Variants in INSL4 observed in about 807,000 individuals in gnomAD.
The protein encoded by INSL4 is early placenta insulin-like peptide.
A neutral mutation model predicts 6.5 loss-of-function variants in INSL4; 7 were observed. The ratio of observed to expected loss-of-function variants is 1.08; its 90% CI spans 0.61 to 2.02. The LOEUF (loss-of-function observed/expected upper bound fraction) is 2.02, where lower values mean the gene tolerates loss of function less well. INSL4 is among the 30% of genes most tolerant of loss of function. The probability of loss-of-function intolerance (pLI) is 0.00; values close to 1 mark genes in which losing one functional copy is unlikely to be tolerated. For missense variants in INSL4, 226 were observed against 163.2 expected, an observed-to-expected ratio of 1.38 and a Z score of -2.09; for synonymous variants, 82 against 65.8, an observed-to-expected ratio of 1.25 and a Z score of -1.19.
chr9:5,232,884 T>A (rs1381242352), intron 1 of INSL4, among the ~76,000 whole-genome samples: 1 of 152,204 alleles, frequency 6.6e-6, no homozygotes, highest in African/African-American at 2.4e-5. Context: ...TCGTGCACAG[T>A]GAATGCACTT....
In INSL4 at chr9:5,231,623, C is replaced by T. The variant is rs377326081; in HGVS notation, c.100C>T (p.Arg34Ter). 18 of 1,613,756 alleles carry T rather than the reference C, an allele frequency of 1.1e-5. No individual in the cohort carries two copies. Among genetic ancestry groups the T allele is most frequent in the African/African-American group, 2.7e-5 (2 of 74,882 alleles). Residue 34 changes from arginine (R) to a stop codon, truncating the protein, a stop_gained, in exon 1 of 2, where the codon CGA (arginine) becomes TGA (stop). Transcript: ENST00000239316. LOFTEE classifies it high-confidence loss of function. ...LAAELRGCGP[R>*]FGKHLLSYCP... ...AGCAGAGCTGAGGGGATGTGGTCCC[C>T]GATTTGGAAAACACTTGCTGTCATA...
In INSL4 at chr9:5,234,685, C is replaced by T. The variant is rs1003812553; in HGVS notation, c.*808C>T. ...TTCCTCTGGCTACACATACCTCCTC[C>T]CTATGTGTCTCTAAATCCTAAATCA... On this transcript the variant is annotated 3_prime_UTR_variant, in exon 2 of 2. Transcript: ENST00000239316. The T allele has an allele frequency of 6.6e-6, 1 of 152,266 alleles. No individual in the cohort carries two copies. Among genetic ancestry groups the T allele is most frequent in the African/African-American group, 2.4e-5 (1 of 41,450 alleles). 9.4% of individuals were successfully genotyped at this position (152,266 alleles called of 1,614,324 possible).
In INSL4 at chr9:5,231,650, T is replaced by G; in HGVS notation, c.127T>G (p.Cys43Gly). Residue 43 changes from cysteine to glycine, a missense_variant, in exon 1 of 2, where the codon TGC becomes GGC. Coordinates refer to ENST00000239316, the MANE Select transcript of INSL4 (RefSeq NM_002195.2). ...PRFGKHLLSY[C>G]PMPEKTFTTT... ...ATTTGGAAAACACTTGCTGTCATAT[T>G]GCCCCATGCCTGAGAAGACATTCAC... 1 of 1,613,892 alleles carries G rather than the reference T, an allele frequency of 6.2e-7. No homozygotes were observed. Among genetic ancestry groups the G allele is most frequent in the Non-Finnish European group, 8.5e-7 (1 of 1,179,856 alleles).
chr9:5,231,790 C>T (rs1321689539), intron 1 of INSL4, 71 bp downstream of exon 1: 1 of 1,303,204 alleles, frequency 7.7e-7, no homozygotes, highest in East Asian at 2.4e-5. Flanking sequence ...CATTGACTGC[C>T]TGTAGTCAAC....
rs1271085397 is a variant in INSL4 at position 5,231,460 on chromosome 9, G to C, written c.-64G>C. 1.7e-5 allele frequency: 26 copies of C among 1,513,120 alleles called. No individual in the cohort carries two copies. Among genetic ancestry groups the C allele is most frequent in the Non-Finnish European group, 2.2e-5 (24 of 1,112,268 alleles). 93.7% of individuals were successfully genotyped at this position (1,513,120 alleles called of 1,614,324 possible). On this transcript the variant is annotated 5_prime_UTR_variant, in exon 1 of 2. Coordinates refer to ENST00000239316, the MANE Select transcript of INSL4 (RefSeq NM_002195.2). ...GGGACACACCAGCACAGTCTGGTAG[G>C]CTACAGCAGCAAGTCTCTAAAGAAA...
chr9:5,232,977 A>G (rs1443107913), intron 1 of INSL4, among the ~76,000 whole-genome samples: 3 of 152,166 alleles, frequency 2.0e-5, no homozygotes, highest in African/African-American at 7.2e-5. Context: ...ATTTTACTAT[A>G]AAATAAGGGA....
Position 5,231,696 on chromosome 9 carries a change from T to G in INSL4, c.173T>G (p.Leu58Arg), listed in dbSNP as rs1826148476. 1.9e-6 allele frequency: 3 copies of G among 1,613,692 alleles called. No homozygotes were observed. The highest frequency in any genetic ancestry group is 1.7e-6 in the Non-Finnish European group (2 of 1,179,750). Residue 58 changes from leucine (L) to arginine (R), a missense_variant, in exon 1 of 2, where the codon CTG becomes CGG. Coordinates refer to ENST00000239316, the MANE Select transcript of INSL4 (RefSeq NM_002195.2). ...TTCACCACCACCCCAGGAGGGTGGC[T>G]GCTGGAATCTGGACGTCCCAAAGGT... is the stretch of plus-strand genomic sequence containing the variant. ...KTFTTTPGGW[L>R]LESGRPKEMV...
chr9:5,231,683 C>T lies in INSL4; in HGVS notation c.160C>T (p.Pro54Ser). ...PMPEKTFTTT[P>S]GGWLLESGRP... ...GCCTGAGAAGACATTCACCACCACCCCAGGAGGGTGGCTGCTGGAATCTGG... is the reference window on the plus strand; with the variant it reads ...GCCTGAGAAGACATTCACCACCACCTCAGGAGGGTGGCTGCTGGAATCTGG... Residue 54 changes from proline to serine, a missense_variant, in exon 1 of 2, where the codon CCA becomes TCA. Transcript: ENST00000239316. 6.2e-7 allele frequency: 1 copy of T among 1,613,792 alleles called. No individual in the cohort carries two copies. Among genetic ancestry groups the T allele is most frequent in the Non-Finnish European group, 8.5e-7 (1 of 1,179,820 alleles).
At chr9:5,233,274 ATCTT>A (rs1202660742) in intron 1 of INSL4, among the ~76,000 whole-genome samples, 1 of 152,138 alleles carries the variant, frequency 6.6e-6, no homozygotes, top group Admixed American at 6.6e-5. Context: ...GAATATCTGA[ATCTT>A]TCTATTAGAA....
At chr9:5,232,440 G>C (rs1586900005) in intron 1 of INSL4, among the ~76,000 whole-genome samples, 1 of 152,222 alleles carries the variant, frequency 6.6e-6, no homozygotes, top group East Asian at 1.9e-4. Context: ...AAGTGGCCTG[G>C]ATGACTAGAG....
rs538623328 is a variant in INSL4, at chr9:5,232,346, A to G, written c.196+627A>G. 3.3e-5 allele frequency among the ~76,000 whole-genome samples: 5 copies of G among 152,264 alleles called. No individual in the cohort carries two copies. The South Asian group carries it at 1.0e-3, about 32-fold the overall frequency. ...TCCTCTTACAAAAAAGTTTTTTTTA[A>G]TGCACACCAACAGAGCACCTTGCCT... is the stretch of plus-strand genomic sequence containing the variant. On this transcript the variant is annotated intron_variant, in intron 1 of 1. Coordinates refer to ENST00000239316, the MANE Select transcript of INSL4 (RefSeq NM_002195.2).
chr9:5,233,461 T>G (rs561783551), intron 1 of INSL4, among the ~76,000 whole-genome samples, 193 bp from the exon 2 acceptor site: 2 of 152,268 alleles, frequency 1.3e-5, no homozygotes, highest in South Asian at 4.1e-4. Flanking sequence ...TCCTTAATAT[T>G]GTAGTATCTT....
Position 5,233,904 on chromosome 9 carries a change from A to C in INSL4, c.*27A>C. 3.4e-4 allele frequency: 476 copies of C among 1,398,372 alleles called. No individual in the cohort carries two copies. Among genetic ancestry groups the C allele is most frequent in the Non-Finnish European group, 4.4e-4 (429 of 985,316 alleles). 86.6% of individuals were successfully genotyped at this position (1,398,372 alleles called of 1,614,324 possible). A position where few individuals can be genotyped will look rare whatever the true frequency, so the allele number is the denominator to read the frequency against. ...AGAGTAATCATGGACTGGACATCTC[A>C]TCCATTCTCATATGTATTCTCAATG... is the stretch of plus-strand genomic sequence containing the variant. On this transcript the variant is annotated 3_prime_UTR_variant, in exon 2 of 2. Transcript: ENST00000239316.
rs760736099 is a variant in INSL4, at chr9:5,231,584, A to T, written c.61A>T (p.Arg21Ter). The T allele has an allele frequency of 6.2e-7, 1 of 1,613,870 alleles. No homozygotes were observed. Among genetic ancestry groups the T allele is most frequent in the Non-Finnish European group, 8.5e-7 (1 of 1,179,856 alleles). The change falls in exon 1 of 2, where the codon AGA becomes TGA. Residue 21 changes from arginine to a stop codon, truncating the protein, a stop_gained. Coordinates refer to ENST00000239316, the MANE Select transcript of INSL4 (RefSeq NM_002195.2). LOFTEE classifies it high-confidence loss of function. The part of the protein sequence containing the change: ...AIWLLLSQLL[R>*]ESLAAELRGC... The stretch of plus-strand genomic sequence containing the variant: ...CTGGCTGCTGCTGAGCCAACTCCTT[A>T]GAGAAAGCCTAGCAGCAGAGCTGAG...
At position 5,234,773 on chromosome 9, in the gene INSL4, A is replaced by C. The variant is rs887218263; in HGVS notation, c.*896A>C. Reference sequence around the variant, plus strand: ...AGTTGTGTTTGTTTGTTTGCAGGCTAACTGAAGCTGCTACTACCTCATTAT... The same window carrying C: ...AGTTGTGTTTGTTTGTTTGCAGGCTCACTGAAGCTGCTACTACCTCATTAT... On this transcript the variant is annotated 3_prime_UTR_variant, in exon 2 of 2. Coordinates refer to ENST00000239316, the MANE Select transcript of INSL4 (RefSeq NM_002195.2). 4 of 152,134 alleles carry C rather than the reference A, an allele frequency of 2.6e-5. No individual in the cohort carries two copies. Among genetic ancestry groups the C allele is most frequent in the African/African-American group, 7.2e-5 (3 of 41,438 alleles). 9.4% of individuals were successfully genotyped at this position (152,134 alleles called of 1,614,324 possible). A position where few individuals can be genotyped will look rare whatever the true frequency, so the allele number is the denominator to read the frequency against.
At position 5,231,449 on chromosome 9, in the gene INSL4, C is replaced by T. The variant is rs190751208; in HGVS notation, c.-75C>T. 1.3e-4 allele frequency: 182 copies of T among 1,421,268 alleles called. 1 individual carries two copies. The highest frequency in any genetic ancestry group is 1.2e-3 in the Admixed American group (59 of 49,880). The allele number at this position is 1,421,268 out of a possible 1,614,324, so 88.0% of individuals were successfully genotyped here. On this transcript the variant is annotated 5_prime_UTR_variant, in exon 1 of 2. Transcript: ENST00000239316. ...GGAGCCCAGAAGGGACACACCAGCA[C>T]AGTCTGGTAGGCTACAGCAGCAAGT... is the stretch of plus-strand genomic sequence containing the variant.
intron 1 of INSL4, among the ~76,000 whole-genome samples, 178 bp downstream of exon 1, chr9:5,231,897 G>A (rs576203493): frequency 6.6e-6 from 1 of 152,152 alleles, no homozygotes; most frequent in Non-Finnish European, 1.5e-5. Context: ...TGGGAAGTTG[G>A]GGGTAGAGGA....
Position 5,233,856 on chromosome 9 carries a change from T to C in INSL4, c.399T>C (p.Thr133=), listed in dbSNP as rs78396651. 6.2e-7 allele frequency: 1 copy of C among 1,611,076 alleles called. No individual in the cohort carries two copies. Among genetic ancestry groups the C allele is most frequent in the Non-Finnish European group, 8.5e-7 (1 of 1,177,448 alleles). ...GTGAAGTAATTTGTGACGATGGAAC[T>C]TCAGTTAAATTATGTACATAGTAGA... ...FCCEVICDDG[T]SVKLCT Residue 133 remains threonine (T), a synonymous_variant, in exon 2 of 2, where the codon ACT becomes ACC. Transcript: ENST00000239316.
At position 5,233,991 on chromosome 9, in the gene INSL4, G is replaced by A; in HGVS notation, c.*114G>A. 2.8e-6 allele frequency: 2 copies of A among 719,482 alleles called. No homozygotes were observed. Among genetic ancestry groups the A allele is most frequent in the Non-Finnish European group, 4.8e-6 (2 of 420,556 alleles). The allele number at this position is 719,482 out of a possible 1,614,324, so 44.6% of individuals were successfully genotyped here. Reference sequence around the variant, plus strand: ...TATTAGAACATGAGAATCATTATTAGTATTCACATGTTTCACTTGCTCTGT... The same window carrying A: ...TATTAGAACATGAGAATCATTATTAATATTCACATGTTTCACTTGCTCTGT... On this transcript the variant is annotated 3_prime_UTR_variant, in exon 2 of 2. Transcript: ENST00000239316.
Sources: allele counts gnomAD v4.1 joint callset (sites outside exome capture counted in the v4.1 genomes callset), GRCh38; gene constraint gnomAD v4.1.1; transcripts MANE v1.5; gene names NCBI Gene and HGNC (gene_info 2026-07-23, HGNC 2026-07-21).